The following KIAA0408 variants were observed in gnomAD, a reference collection of about 807,000 sequenced individuals.
KIAA0408 encodes the protein uncharacterized protein KIAA0408.
In KIAA0408, 51 loss-of-function variants were observed where a neutral mutation model predicts 60.9. The ratio of observed to expected loss-of-function variants is 0.84; its 90% CI spans 0.67 to 1.06. The LOEUF is 1.06. Ranked by LOEUF, KIAA0408 falls within the 50% of genes least tolerant of loss-of-function variation. KIAA0408 has a pLI of 0.00. For synonymous variants in KIAA0408, 304 were observed against 282.4 expected (o/e 1.08, Z -0.77); for missense variants, 787 against 833.9 (o/e 0.94, Z 0.69).
Position 127,449,815 on chromosome 6 carries a change from A to C in KIAA0408, c.578+7T>G, listed in dbSNP as rs1773268493. The C allele has an allele frequency of 6.2e-7, 1 of 1,613,814 alleles. No individual in the cohort carries two copies. Among genetic ancestry groups the C allele is most frequent in the African/African-American group, 1.3e-5 (1 of 74,936 alleles). ...CCCATCTAAAATAATCAGATGTACC[A>C]GCCTACCTTCTATGGTTAGACCGCT... On this transcript the variant is annotated splice_region_variant and intron_variant, in intron 4 of 5. Coordinates refer to ENST00000483725, the MANE Select transcript of KIAA0408 (RefSeq NM_014702.5).
chr6:127,444,213 G>A lies in KIAA0408; in HGVS notation c.1981C>T (p.Leu661Phe). 6.2e-7 allele frequency: 1 copy of A among 1,613,588 alleles called. No individual in the cohort carries two copies. The highest frequency in any genetic ancestry group is 8.5e-7 in the Non-Finnish European group (1 of 1,179,848). The change falls in exon 6 of 6, where the codon CTC becomes TTC. Residue 661 changes from leucine (L) to phenylalanine (F), a missense_variant. Coordinates refer to ENST00000483725, the MANE Select transcript of KIAA0408 (RefSeq NM_014702.5). ...GATCTGGATGCCCATCTGGAGGGGA[G>A]ACGACGATTTGCTGGTCTAGCAGGT... ...SRPARPANRR[L>F]PSRWASRSPS...
Position 127,446,773 on chromosome 6 carries a change from A to T in KIAA0408, c.1546T>A (p.Ser516Thr). 6.2e-7 allele frequency: 1 copy of T among 1,613,730 alleles called. No homozygotes were observed. The change falls in exon 5 of 6, where the codon TCC becomes ACC. Residue 516 changes from serine (S) to threonine (T), a missense_variant. By Grantham distance (58) the Ser-to-Thr change is moderately conservative. Transcript: ENST00000483725. The stretch of plus-strand genomic sequence containing the variant: ...ATTTGTCTTACTAGGCCTGTTGTGG[A>T]TTTCTTGGTGGGATTATCAGGCACA... ...ENVPDNPTKK[S>T]TTGLVRQMQG...
chr6:127,450,191 A>T lies in KIAA0408; in HGVS notation c.297T>A (p.Asp99Glu), dbSNP rs139842964. 4.3e-6 allele frequency: 7 copies of T among 1,613,916 alleles called. No individual in the cohort carries two copies. The East Asian group carries it at 1.6e-4, about 36-fold the overall frequency. The change falls in exon 3 of 6, where the codon GAT becomes GAA. Residue 99 changes from aspartate (D) to glutamate (E), a missense_variant. Physicochemically the swap from Asp to Glu is conservative, Grantham distance 45. This residue lies in a region of KIAA0408 where 640 missense variants were observed against 681.3 expected (regional missense o/e 0.94). Transcript: ENST00000483725. ...CTCTTTTATTTTCTTTTCTCAGACC[A>T]TCTTTGTGATTCGTCCTTATAAATT... ...QSEFIRTNHKDGLRKENKREQ... is the reference protein window; with the variant it reads ...QSEFIRTNHKEGLRKENKREQ...
chr6:127,441,540 G>C lies in KIAA0408; in HGVS notation c.*2569C>G, dbSNP rs1054997441. On this transcript the variant is annotated 3_prime_UTR_variant, in exon 6 of 6. Transcript: ENST00000483725. The stretch of plus-strand genomic sequence containing the variant: ...AATAATATTTTTGCTCCAAAAGTCT[G>C]CTAGGGAAAACATCTATTAATATAT... 6.6e-6 allele frequency: 1 copy of C among 152,212 alleles called. No homozygotes were observed. Among genetic ancestry groups the C allele is most frequent in the African/African-American group, 2.4e-5 (1 of 41,364 alleles). The allele number at this position is 152,212 out of a possible 1,614,324, so 9.4% of individuals were successfully genotyped here. A position where few individuals can be genotyped will look rare whatever the true frequency, so the allele number is the denominator to read the frequency against.
Position 127,444,239 on chromosome 6 carries a change from C to T in KIAA0408, c.1955G>A (p.Arg652Gln), listed in dbSNP as rs137996809. 39 of 1,608,348 alleles carry T rather than the reference C, an allele frequency of 2.4e-5. No homozygotes were observed. Among genetic ancestry groups the T allele is most frequent in the South Asian group, 4.4e-5 (4 of 90,316 alleles). ...ACGACGATTTGCTGGTCTAGCAGGT[C>T]GGGAAAATCCTTTTCCATGTGAGGC... ...VNASHGKGFS[R>Q]PARPANRRLP... The change falls in exon 6 of 6, where the codon CGA (arginine) becomes CAA (glutamine). Residue 652 changes from arginine to glutamine, a missense_variant. Physicochemically the swap from Arg to Gln is conservative, Grantham distance 43. Transcript: ENST00000483725.
chr6:127,450,985 G>A lies in KIAA0408; in HGVS notation c.136-633C>T, dbSNP rs757936157. On this transcript the variant is annotated intron_variant, in intron 2 of 5. Transcript: ENST00000483725. ...AAACAAATATGACAATACCCTACGT[G>A]ATATAATAGAACTGCAAGGCTTTGA... The A allele has an allele frequency of 6.9e-4, 113 of 163,372 alleles. 1 individual carries two copies. The highest frequency in any genetic ancestry group is 2.4e-3 in the Admixed American group (38 of 16,056). 10.1% of individuals were successfully genotyped at this position (163,372 alleles called of 1,614,324 possible).
chr6:127,450,572 T>G, intron 2 of KIAA0408: 1 of 519,138 alleles, frequency 1.9e-6, no homozygotes, highest in South Asian at 4.3e-5. Flanking sequence ...AACACATGGA[T>G]GCTAATTCTT....
intron 2 of KIAA0408, among the ~76,000 whole-genome samples, chr6:127,452,772 T>C (rs1422434712): frequency 6.6e-6 from 1 of 152,062 alleles, no homozygotes; most frequent in East Asian, 1.9e-4. Flanking sequence ...GGGAATCTCT[T>C]TGTTGATCCA....
rs773997698 is a variant in KIAA0408 at position 127,439,869 on chromosome 6, A to G, written c.*4240T>C. The G allele has an allele frequency of 1.3e-5, 2 of 152,224 alleles. No individual in the cohort carries two copies. Among genetic ancestry groups the G allele is most frequent in the African/African-American group, 2.4e-5 (1 of 41,454 alleles). The allele number at this position is 152,224 out of a possible 1,614,324, so 9.4% of individuals were successfully genotyped here. ...GGTCATAGATGCACATGGGACATTT[A>G]TACAGGAGAGCAGATCATGAGTGAG... is the stretch of plus-strand genomic sequence containing the variant. On this transcript the variant is annotated 3_prime_UTR_variant, in exon 6 of 6. Coordinates refer to ENST00000483725, the MANE Select transcript of KIAA0408 (RefSeq NM_014702.5).
chr6:127,448,950 TAC>T (rs546636185), intron 4 of KIAA0408, among the ~76,000 whole-genome samples: 279 of 152,334 alleles, frequency 1.8e-3, no homozygotes, highest in African/African-American at 6.6e-3. Context: ...ATTAAGTATA[TAC>T]TGTTTCCAAA....
chr6:127,455,703 C>A (rs368602528), intron 1 of KIAA0408, among the ~76,000 whole-genome samples: 2 of 152,040 alleles, frequency 1.3e-5, no homozygotes, highest in Non-Finnish European at 2.9e-5. Flanking sequence ...AATTCAGTCA[C>A]GAAAAATACA....
chr6:127,453,117 C>A lies in KIAA0408; in HGVS notation c.135+730G>T, dbSNP rs372579305. Among the ~76,000 whole-genome samples the A allele has an allele frequency of 5.3e-5, 8 of 152,120 alleles. No homozygotes were observed. In the South Asian group the frequency reaches 1.5e-3, roughly 28 times the overall value. On this transcript the variant is annotated intron_variant, in intron 2 of 5. Transcript: ENST00000483725. ...TGCATAAAACCATATAAAGTCAATACTAAGGATGTTACCAAAAGAAAGCAA... is the reference window on the plus strand; with the variant it reads ...TGCATAAAACCATATAAAGTCAATAATAAGGATGTTACCAAAAGAAAGCAA...
rs1773136090 is a variant in KIAA0408 at position 127,443,359 on chromosome 6, T to C, written c.*750A>G. 6.6e-6 allele frequency: 1 copy of C among 152,180 alleles called. No individual in the cohort carries two copies. The highest frequency in any genetic ancestry group is 6.5e-5 in the Admixed American group (1 of 15,282). 9.4% of individuals were successfully genotyped at this position (152,180 alleles called of 1,614,324 possible). A position where few individuals can be genotyped will look rare whatever the true frequency, so the allele number is the denominator to read the frequency against. On this transcript the variant is annotated 3_prime_UTR_variant, in exon 6 of 6. Coordinates refer to ENST00000483725, the MANE Select transcript of KIAA0408 (RefSeq NM_014702.5). ...AGGATCAAATATTCAGTTAAAGCCA[T>C]ACTAGACTACCAAATAATATATAAA...
rs1773069239 is a variant in KIAA0408, at chr6:127,439,416, T to A, written c.*4693A>T. ...ACAAAATTTATATAAAATCAGAGCA[T>A]AGGCATTAAAAGTGGAAATATTTTG... On this transcript the variant is annotated 3_prime_UTR_variant, in exon 6 of 6. Transcript: ENST00000483725. 1 of 152,178 alleles carries A rather than the reference T, an allele frequency of 6.6e-6. No homozygotes were observed. Among genetic ancestry groups the A allele is most frequent in the South Asian group, 2.1e-4 (1 of 4,832 alleles). 9.4% of individuals were successfully genotyped at this position (152,178 alleles called of 1,614,324 possible).
chr6:127,458,529 T>C (rs1773433869), intron 1 of KIAA0408, among the ~76,000 whole-genome samples: 1 of 152,218 alleles, frequency 6.6e-6, no homozygotes, highest in South Asian at 2.1e-4. Flanking sequence ...TGCACACTGA[T>C]TTTACTTATA....
chr6:127,446,801 T>C lies in KIAA0408; in HGVS notation c.1518A>G (p.Glu506=), dbSNP rs150637496. 6.2e-7 allele frequency: 1 copy of C among 1,614,024 alleles called. No homozygotes were observed. The highest frequency in any genetic ancestry group is 1.1e-5 in the South Asian group (1 of 91,066). ...KTNAHMPVPM[E]NVPDNPTKKS... ...TCTTGGTGGGATTATCAGGCACATTTTCCATGGGCACAGGCATGTGGGCAT... is the reference window on the plus strand; with the variant it reads ...TCTTGGTGGGATTATCAGGCACATTCTCCATGGGCACAGGCATGTGGGCAT... The change falls in exon 5 of 6, where the codon GAA becomes GAG. Residue 506 remains glutamate (E), a synonymous_variant. Transcript: ENST00000483725.
rs374492359 is a variant in KIAA0408, at chr6:127,450,319, T to G, written c.169A>C (p.Asn57His). The change falls in exon 3 of 6, where the codon AAT becomes CAT. Residue 57 changes from asparagine (N) to histidine (H), a missense_variant. Transcript: ENST00000483725. Reference protein sequence around the residue: ...CREVKLWRKININESAKIIDL... With the variant: ...CREVKLWRKIHINESAKIIDL... ...ATGATCTTAGCACTTTCATTGATAT[T>G]GATTTTCCTCCAAAGCTTTACTTCC... 1.2e-6 allele frequency: 2 copies of G among 1,604,046 alleles called. No individual in the cohort carries two copies. The highest frequency in any genetic ancestry group is 8.5e-7 in the Non-Finnish European group (1 of 1,176,836).
intron 2 of KIAA0408, 26 bp from the exon 3 acceptor site, chr6:127,450,378 A>G: frequency 2.6e-6 from 4 of 1,552,436 alleles, no homozygotes; most frequent in Non-Finnish European, 3.4e-6. Context: ...AACAAAATTA[A>G]AACTTCTTTT....
In KIAA0408 at chr6:127,441,208, T is replaced by A. The variant is rs188629931; in HGVS notation, c.*2901A>T. ...GTTTTCTCAGGATAACTAAACCTGG[T>A]AAAATCACCTATATAGAAGTAAATA... On this transcript the variant is annotated 3_prime_UTR_variant, in exon 6 of 6. Coordinates refer to ENST00000483725, the MANE Select transcript of KIAA0408 (RefSeq NM_014702.5). 1 of 152,664 alleles carries A rather than the reference T, an allele frequency of 6.6e-6. No homozygotes were observed. Among genetic ancestry groups the A allele is most frequent in the African/African-American group, 2.4e-5 (1 of 41,572 alleles). 9.5% of individuals were successfully genotyped at this position (152,664 alleles called of 1,614,324 possible).
Sources: allele counts gnomAD v4.1 joint callset (sites outside exome capture counted in the v4.1 genomes callset), GRCh38; gene constraint gnomAD v4.1.1; regional missense constraint gnomAD v4.1.1; transcripts MANE v1.5; gene names NCBI Gene and HGNC (gene_info 2026-07-23, HGNC 2026-07-21).